Variants in INSYN2A observed in about 807,000 individuals in gnomAD.
The protein encoded by INSYN2A is family with sequence similarity 196 member A.
In INSYN2A, 17 loss-of-function variants were observed where a neutral mutation model predicts 39.4. The ratio of observed to expected loss-of-function variants is 0.43; its 90% CI spans 0.30 to 0.65. The LOEUF (loss-of-function observed/expected upper bound fraction) is 0.65. INSYN2A is among the 30% of genes least tolerant of loss of function. The pLI is 0.14. For missense variants in INSYN2A, 595 were observed against 631.2 expected (o/e 0.94, Z 0.61); for synonymous variants, 255 against 265.7 (o/e 0.96, Z 0.39).
At chr10:127,154,343 A>G (rs2052818299) in intron 4 of INSYN2A, among the ~76,000 whole-genome samples, 1 of 152,240 alleles carries the variant, frequency 6.6e-6, no homozygotes, top group African/African-American at 2.4e-5. Context: ...TGCGGCCTGC[A>G]GGCCAAATCC....
chr10:127,189,937 G>A (rs945686079), intron 2 of INSYN2A, among the ~76,000 whole-genome samples: 2 of 152,220 alleles, frequency 1.3e-5, no homozygotes, highest in African/African-American at 4.8e-5. Flanking sequence ...ATTGAGATGT[G>A]AGGTTAAGGC....
intron 2 of INSYN2A, among the ~76,000 whole-genome samples, chr10:127,188,099 C>A (rs1165628347): frequency 6.6e-6 from 1 of 152,152 alleles, no homozygotes; most frequent in Non-Finnish European, 1.5e-5. Flanking sequence ...TGAGCCCCTT[C>A]CATTTTTTTC....
intron 5 of INSYN2A, among the ~76,000 whole-genome samples, chr10:127,153,148 A>T (rs984996051): frequency 6.6e-6 from 1 of 152,198 alleles, no homozygotes; most frequent in South Asian, 2.1e-4. Context: ...AACATTTCTC[A>T]CCGCTTTTAT....
chr10:127,172,076 A>G (rs553045452), intron 4 of INSYN2A, among the ~76,000 whole-genome samples: 1 of 152,334 alleles, frequency 6.6e-6, no homozygotes, highest in South Asian at 2.1e-4. Flanking sequence ...CAGTGTACAC[A>G]GAGTGCATTT....
intron 1 of INSYN2A, among the ~76,000 whole-genome samples, chr10:127,194,911 C>G (rs111722054): frequency 1.6e-4 from 1 of 6,252 alleles, no homozygotes; most frequent in African/African-American, 2.6e-4. Flanking sequence ...ACCGCTTCAC[C>G]GCTGCTTCTG....
intron 2 of INSYN2A, among the ~76,000 whole-genome samples, chr10:127,188,267 A>T (rs948149070): frequency 1.3e-5 from 2 of 152,180 alleles, no homozygotes; most frequent in Non-Finnish European, 2.9e-5. Context: ...GTGGCCAGTT[A>T]TTGTCATGGA....
chr10:127,194,035 G>T (rs1330015668), intron 1 of INSYN2A, among the ~76,000 whole-genome samples: 1 of 152,160 alleles, frequency 6.6e-6, no homozygotes, highest in African/African-American at 2.4e-5. Flanking sequence ...CAAAGTCGTG[G>T]CAACTGTAAT....
In INSYN2A at chr10:127,137,873, A is replaced by G; in HGVS notation, c.1404T>C (p.Ser468=). Residue 468 remains serine, a synonymous_variant, in exon 6 of 6, where the codon TCT becomes TCC. Coordinates refer to ENST00000522781, the MANE Select transcript of INSYN2A (RefSeq NM_001039762.3). ...STPKQKSKTE[S]KKHGRWKLWF... is the part of the protein sequence containing the mutation. ...AGAGTTTCCATCTTCCGTGCTTTTT[A>G]GATTCAGTTTTGGATTTTTGCTTGG... 6.2e-7 allele frequency: 1 copy of G among 1,614,032 alleles called. No individual in the cohort carries two copies. The highest frequency in any genetic ancestry group is 8.5e-7 in the Non-Finnish European group (1 of 1,179,994).
Position 127,175,951 on chromosome 10 carries a change from C to CT in INSYN2A, c.444dup (p.Glu149ArgfsTer49). ...TCCATGGGTCCAGCCTCGTTCTTCT[C>CT]TTTCGCATCTGTTAGAAACCCATTG... On this transcript the variant is annotated frameshift_variant, in exon 4 of 6. Coordinates refer to ENST00000522781, the MANE Select transcript of INSYN2A (RefSeq NM_001039762.3). LOFTEE classifies it high-confidence loss of function. This position sits in a 1 kb window ranked among gnomAD's most constrained non-coding sequence, Gnocchi z 6.3. 1.2e-6 allele frequency: 2 copies of CT among 1,614,228 alleles called. No homozygotes were observed. The highest frequency in any genetic ancestry group is 1.7e-6 in the Non-Finnish European group (2 of 1,180,050).
intron 5 of INSYN2A, among the ~76,000 whole-genome samples, chr10:127,139,092 G>A (rs1392343614): frequency 6.6e-6 from 1 of 152,152 alleles, no homozygotes; most frequent in Admixed American, 6.5e-5. Flanking sequence ...TCCATGTCTG[G>A]TCTGGATGCC....
At chr10:127,195,660 C>T (rs1057046705) in intron 1 of INSYN2A, among the ~76,000 whole-genome samples, 5 of 152,120 alleles carry the variant, frequency 3.3e-5, no homozygotes, top group Admixed American at 6.5e-5. Context: ...GGCTGTCGGG[C>T]GCTCACGAAG....
At chr10:127,166,082 C>T (rs1467905671) in intron 4 of INSYN2A, among the ~76,000 whole-genome samples, 1 of 151,920 alleles carries the variant, frequency 6.6e-6, no homozygotes, top group African/African-American at 2.4e-5. Flanking sequence ...TATTTATTTT[C>T]TGAGACAGAG....
intron 2 of INSYN2A, among the ~76,000 whole-genome samples, chr10:127,192,202 AT>A (rs2056807227): frequency 6.6e-6 from 1 of 152,214 alleles, no homozygotes; most frequent in Admixed American, 6.5e-5. Context: ...TAAAGAGAAC[AT>A]GTCTATGGAT....
chr10:127,145,910 G>A (rs1564839507), intron 5 of INSYN2A: 1 of 484,848 alleles, frequency 2.1e-6, no homozygotes, highest in East Asian at 5.8e-5. Context: ...GTCAGCCTGT[G>A]CATTCCTGCA....
At chr10:127,177,347 C>T (rs938576668) in intron 2 of INSYN2A, among the ~76,000 whole-genome samples, 1 of 152,196 alleles carries the variant, frequency 6.6e-6, no homozygotes, top group Non-Finnish European at 1.5e-5. Context: ...CCAATGACTC[C>T]TCTCGGGGAA....
intron 4 of INSYN2A, among the ~76,000 whole-genome samples, chr10:127,157,385 T>C (rs761079478): frequency 1.2e-4 from 18 of 152,234 alleles, no homozygotes; most frequent in Non-Finnish European, 2.1e-4. Context: ...TGAGGACATG[T>C]GTATAAAATG....
At chr10:127,165,354 G>A (rs1445948791) in intron 4 of INSYN2A, among the ~76,000 whole-genome samples, 3 of 152,164 alleles carry the variant, frequency 2.0e-5, no homozygotes. Context: ...CAGAGCTCTT[G>A]TTGCCAAAGA....
At chr10:127,193,911 G>A (rs903676861) in intron 1 of INSYN2A, among the ~76,000 whole-genome samples, 3 of 152,192 alleles carry the variant, frequency 2.0e-5, no homozygotes, top group African/African-American at 7.2e-5. Context: ...CAGACATGGA[G>A]CTTCCCAGCT....
intron 5 of INSYN2A, among the ~76,000 whole-genome samples, chr10:127,141,447 A>C (rs528958196): frequency 1.8e-4 from 27 of 152,274 alleles, no homozygotes; most frequent in African/African-American, 6.3e-4. Context: ...TCATGCCTGT[A>C]ATCCTAGCAC....
Sources: allele counts gnomAD v4.1 joint callset (sites outside exome capture counted in the v4.1 genomes callset), GRCh38; gene constraint gnomAD v4.1.1; non-coding constraint Gnocchi (gnomAD v3.1); transcripts MANE v1.5; gene names NCBI Gene and HGNC (gene_info 2026-07-23, HGNC 2026-07-21).